Variants in SLC35F1 observed in about 807,000 individuals in gnomAD.
SLC35F1 encodes the protein chromosome 6 open reading frame 169.
A neutral mutation model predicts 48.7 loss-of-function variants in SLC35F1; 14 were observed. The ratio of observed to expected loss-of-function variants is 0.29; its 90% confidence interval spans 0.19 to 0.45. The LOEUF is 0.45. Ranked by LOEUF, SLC35F1 falls within the 20% of genes least tolerant of loss-of-function variation. SLC35F1 has a pLI of 1.00. For synonymous variants in SLC35F1, 190 were observed against 202.2 expected (o/e 0.94, Z 0.51); for missense variants, 404 against 500.0 (o/e 0.81, Z 1.83).
chr6:117,914,865 A>G (rs922976384), intron 1 of SLC35F1, among the ~76,000 whole-genome samples: 5 of 151,980 alleles, frequency 3.3e-5, no homozygotes, highest in African/African-American at 1.2e-4. Flanking sequence ...ACCTTTTTTG[A>G]TGAATACCAT....
intron 1 of SLC35F1, among the ~76,000 whole-genome samples, chr6:118,024,270 C>A (rs1478628910): frequency 6.6e-6 from 1 of 152,120 alleles, no homozygotes; most frequent in Non-Finnish European, 1.5e-5. Context: ...TAAGAAACAA[C>A]TAACTAAACA....
chr6:117,977,920 C>T (rs1446043642), intron 1 of SLC35F1, among the ~76,000 whole-genome samples: 1 of 151,970 alleles, frequency 6.6e-6, no homozygotes, highest in East Asian at 1.9e-4. Flanking sequence ...CCAGAAGAAA[C>T]AAGCAGTTGG....
At chr6:118,231,977 C>T (rs561991820) in intron 2 of SLC35F1, among the ~76,000 whole-genome samples, 89 of 152,300 alleles carry the variant, frequency 5.8e-4, no homozygotes, top group African/African-American at 2.1e-3. Context: ...TGTCTACATT[C>T]TAACTAGAAA....
chr6:118,145,536 CA>C (rs1198189441), intron 1 of SLC35F1, among the ~76,000 whole-genome samples: 1 of 152,180 alleles, frequency 6.6e-6, no homozygotes, highest in African/African-American at 2.4e-5. Flanking sequence ...CCTTCTTCAT[CA>C]GCCACATTAC....
At chr6:118,008,621 A>G (rs1777205742) in intron 1 of SLC35F1, among the ~76,000 whole-genome samples, 1 of 152,204 alleles carries the variant, frequency 6.6e-6, no homozygotes, top group Non-Finnish European at 1.5e-5. Flanking sequence ...TAGCCCAAGA[A>G]TGAAAATTTA....
chr6:118,041,522 T>C (rs1461754149), intron 1 of SLC35F1, among the ~76,000 whole-genome samples: 1 of 151,818 alleles, frequency 6.6e-6, no homozygotes, highest in East Asian at 1.9e-4. Flanking sequence ...GATATAGTGG[T>C]GGGATGGGGG....
intron 1 of SLC35F1, among the ~76,000 whole-genome samples, chr6:117,933,821 C>G (rs1776131745): frequency 6.6e-6 from 1 of 152,058 alleles, no homozygotes; most frequent in African/African-American, 2.4e-5. Context: ...CATTCAGGTT[C>G]TAAACTGCTA....
At position 118,307,797 on chromosome 6, in the gene SLC35F1, G is replaced by A. The variant is rs191672819; in HGVS notation, c.1003-6231G>A. ...AGATCAGGACCTGGCAGAGCTTTTC[G>A]TCCCAGGGTCTTACCGTTACAGGCC... On this transcript the variant is annotated intron_variant, in intron 7 of 7. Coordinates refer to ENST00000360388, the MANE Select transcript of SLC35F1 (RefSeq NM_001029858.4). 7.2e-4 allele frequency among the ~76,000 whole-genome samples: 109 copies of A among 152,182 alleles called. No homozygotes were observed. The East Asian group carries it at 0.013, about 18-fold the overall frequency.
chr6:117,960,310 C>T (rs1776482081), intron 1 of SLC35F1, among the ~76,000 whole-genome samples: 1 of 150,832 alleles, frequency 6.6e-6, no homozygotes, highest in Admixed American at 6.6e-5. Context: ...CACTGTGTTC[C>T]CTTGAAGATA....
At chr6:118,042,625 G>A (rs541870025) in intron 1 of SLC35F1, among the ~76,000 whole-genome samples, 1 of 152,286 alleles carries the variant, frequency 6.6e-6, no homozygotes, top group East Asian at 1.9e-4. Flanking sequence ...TAGAGGGAAT[G>A]TTACCTGGTG....
chr6:118,266,798 C>T (rs1213252506), intron 3 of SLC35F1, among the ~76,000 whole-genome samples, 197 bp from the exon 4 acceptor site: 1 of 152,124 alleles, frequency 6.6e-6, no homozygotes, highest in Non-Finnish European at 1.5e-5. Context: ...GGGATGTTTA[C>T]AATTAAGTAA....
In SLC35F1 at chr6:118,277,616, C is replaced by T. The variant is rs753794370; in HGVS notation, c.847+70C>T. On this transcript the variant is annotated intron_variant, in intron 6 of 7. Coordinates refer to ENST00000360388, the MANE Select transcript of SLC35F1 (RefSeq NM_001029858.4). ...AATGTGTTTGAAGAATGATGTGGGT[C>T]GGGTGGAGCACAAACAAGGAGGGGA... 5.8e-6 allele frequency: 8 copies of T among 1,371,044 alleles called. No homozygotes were observed. The East Asian group carries it at 1.1e-4, about 20-fold the overall frequency. The allele number at this position is 1,371,044 out of a possible 1,614,324, so 84.9% of individuals were successfully genotyped here.
chr6:118,178,317 C>T (rs555133579), intron 2 of SLC35F1, among the ~76,000 whole-genome samples: 18 of 152,192 alleles, frequency 1.2e-4, no homozygotes, highest in African/African-American at 3.4e-4. Flanking sequence ...AGGGGCCAAC[C>T]GCTTGCCCAT....
intron 1 of SLC35F1, among the ~76,000 whole-genome samples, chr6:118,138,908 A>G (rs938694520): frequency 6.6e-6 from 1 of 152,116 alleles, no homozygotes; most frequent in African/African-American, 2.4e-5. Flanking sequence ...TAGGTGCATC[A>G]TATCAGTTCA....
In SLC35F1 at chr6:118,031,929, T is replaced by C. The variant is rs558271899; in HGVS notation, c.174-122516T>C. On this transcript the variant is annotated intron_variant, in intron 1 of 7. Coordinates refer to ENST00000360388, the MANE Select transcript of SLC35F1 (RefSeq NM_001029858.4). ...GCCATGTCTAATGGGAAGCTGCTTC[T>C]GCCCTGTCCCTGTTTTCCCTAGTCC... Among the ~76,000 whole-genome samples, 562 of 152,274 alleles carry C rather than the reference T, an allele frequency of 3.7e-3. 1 individual carries two copies. The highest frequency in any genetic ancestry group is 0.021 in the Middle Eastern group (6 of 292).
chr6:118,035,682 ATTTTTTTT>A (rs745704672), intron 1 of SLC35F1, among the ~76,000 whole-genome samples: 1 of 87,302 alleles, frequency 1.1e-5, no homozygotes. Flanking sequence ...GGCTTTGTTA[ATTTTTTTT>A]TTTTTTTTTT....
intron 2 of SLC35F1, among the ~76,000 whole-genome samples, chr6:118,164,512 G>T (rs183930052): frequency 1.6e-3 from 249 of 152,206 alleles, no homozygotes; most frequent in Admixed American, 4.2e-3. Flanking sequence ...TCTATAATTT[G>T]TCTGTGCTGT....
intron 1 of SLC35F1, among the ~76,000 whole-genome samples, chr6:117,984,559 A>C (rs991114308): frequency 2.6e-5 from 4 of 151,638 alleles, no homozygotes; most frequent in Non-Finnish European, 4.4e-5. Context: ...TTCAAATTTT[A>C]GTGTCCCAGA....
chr6:117,991,240 A>G (rs74697715), intron 1 of SLC35F1, among the ~76,000 whole-genome samples: 2,719 of 152,272 alleles, frequency 0.018, 32 homozygotes, highest in East Asian at 0.032. Context: ...GATTTTGTAC[A>G]TGATGACTAA....
Sources: allele counts gnomAD v4.1 joint callset (sites outside exome capture counted in the v4.1 genomes callset), GRCh38; gene constraint gnomAD v4.1.1; transcripts MANE v1.5; gene names NCBI Gene and HGNC (gene_info 2026-07-23, HGNC 2026-07-21).